GABBR2: variants seen among roughly 807,000 people sequenced by gnomAD.
GABBR2 encodes the protein G-protein coupled receptor 51.
A neutral mutation model predicts 105.6 loss-of-function variants in GABBR2; 23 were observed. The ratio of observed to expected loss-of-function variants is 0.22; its 90% CI spans 0.16 to 0.31. GABBR2 has a LOEUF of 0.31. Ranked by LOEUF, GABBR2 falls within the 10% of genes least tolerant of loss-of-function variation. The probability of loss-of-function intolerance (pLI) is 1.00; values close to 1 mark genes in which losing one functional copy is unlikely to be tolerated. For synonymous variants in GABBR2, 478 were observed against 499.7 expected (o/e 0.96, Z 0.58); for missense variants, 734 against 1,245.5 (o/e 0.59, Z 6.18).
rs560815498 is a variant in GABBR2 at position 98,361,542 on chromosome 9, G to A, written c.1893+1173C>T. Among the ~76,000 whole-genome samples the A allele has an allele frequency of 4.6e-5, 7 of 152,334 alleles. No homozygotes were observed. The South Asian group carries it at 1.2e-3, about 27-fold the overall frequency. Reference sequence around the variant, plus strand: ...GATGAAGGGGGCATTCCCTTGGGATGAATTGGGACCCACCCAGCTGTTCTG... The same window carrying A: ...GATGAAGGGGGCATTCCCTTGGGATAAATTGGGACCCACCCAGCTGTTCTG... On this transcript the variant is annotated intron_variant, in intron 13 of 18. Transcript: ENST00000259455.
intron 11 of GABBR2, among the ~76,000 whole-genome samples, chr9:98,377,316 G>C (rs1029315108): frequency 3.9e-5 from 6 of 152,204 alleles, no homozygotes; most frequent in Non-Finnish European, 8.8e-5. Context: ...GTCAGGGCCA[G>C]AGAGGAAGGA....
chr9:98,392,663 A>G (rs1191629197), intron 9 of GABBR2, among the ~76,000 whole-genome samples: 2 of 152,190 alleles, frequency 1.3e-5, no homozygotes, highest in African/African-American at 4.8e-5. Flanking sequence ...CTTGCTTTAA[A>G]GAAGGAACTT....
chr9:98,668,333 C>A (rs1264721531), intron 1 of GABBR2, among the ~76,000 whole-genome samples: 1 of 152,194 alleles, frequency 6.6e-6, no homozygotes, highest in Non-Finnish European at 1.5e-5. Context: ...CCCTTGGTAT[C>A]ATGCTTAGGC....
intron 2 of GABBR2, among the ~76,000 whole-genome samples, chr9:98,553,848 A>G (rs1021237080): frequency 2.0e-5 from 3 of 152,238 alleles, no homozygotes; most frequent in African/African-American, 7.2e-5. Context: ...CAGAGCAGGG[A>G]GACTAATGTC....
chr9:98,532,471 T>C (rs1209460468), intron 3 of GABBR2, among the ~76,000 whole-genome samples: 1 of 152,204 alleles, frequency 6.6e-6, no homozygotes, highest in Non-Finnish European at 1.5e-5. Flanking sequence ...TGTCTCCTAA[T>C]GATAAAAGAT....
chr9:98,529,786 T>G (rs1417180116), intron 3 of GABBR2, among the ~76,000 whole-genome samples: 1 of 152,212 alleles, frequency 6.6e-6, no homozygotes, highest in Non-Finnish European at 1.5e-5. Context: ...CCCTCAGGAC[T>G]GCTACTATCT....
At chr9:98,622,628 C>A (rs1362554945) in intron 1 of GABBR2, among the ~76,000 whole-genome samples, 1 of 152,240 alleles carries the variant, frequency 6.6e-6, no homozygotes, top group Non-Finnish European at 1.5e-5. Flanking sequence ...CACTCCTCAG[C>A]TCAAAACCTT....
chr9:98,683,340 T>A (rs1830574443), intron 1 of GABBR2, among the ~76,000 whole-genome samples: 1 of 152,166 alleles, frequency 6.6e-6, no homozygotes. Flanking sequence ...TGACCTCAAA[T>A]GATCTGCCCA....
intron 13 of GABBR2, among the ~76,000 whole-genome samples, chr9:98,352,691 T>C (rs1831420803): frequency 6.6e-6 from 1 of 152,004 alleles, no homozygotes; most frequent in Non-Finnish European, 1.5e-5. Flanking sequence ...GTTATCGGCA[T>C]CCCCAGGCAG....
chr9:98,333,501 T>C (rs1479039185), intron 13 of GABBR2, among the ~76,000 whole-genome samples: 1 of 152,144 alleles, frequency 6.6e-6, no homozygotes. Flanking sequence ...AGGCATTCCA[T>C]GCTGTGGCTG....
intron 1 of GABBR2, among the ~76,000 whole-genome samples, chr9:98,604,268 C>T (rs1829381078): frequency 6.6e-6 from 1 of 152,208 alleles, no homozygotes; most frequent in South Asian, 2.1e-4. Context: ...CTTATTCCCC[C>T]ACCCAACCTC....
intron 1 of GABBR2, among the ~76,000 whole-genome samples, chr9:98,658,568 G>A (rs982199615): frequency 6.6e-6 from 1 of 152,090 alleles, no homozygotes; most frequent in African/African-American, 2.4e-5. Context: ...CTCCAGAGGC[G>A]GAACCAGCAC....
intron 7 of GABBR2, among the ~76,000 whole-genome samples, chr9:98,408,147 G>C (rs1347725856): frequency 1.3e-5 from 2 of 152,124 alleles, no homozygotes; most frequent in East Asian, 1.9e-4. Context: ...AAGCACCAGA[G>C]AGCTTTCCAG....
At chr9:98,626,431 A>T (rs1002909331) in intron 1 of GABBR2, among the ~76,000 whole-genome samples, 1 of 152,192 alleles carries the variant, frequency 6.6e-6, no homozygotes, top group African/African-American at 2.4e-5. Context: ...AAAAGCTGTT[A>T]TTTTTTTAAA....
intron 1 of GABBR2, among the ~76,000 whole-genome samples, chr9:98,686,397 T>C (rs1280987778): frequency 1.3e-5 from 2 of 151,886 alleles, no homozygotes; most frequent in Admixed American, 6.6e-5. Context: ...TCTGTTTTTT[T>C]TGTTTTGTTT....
At chr9:98,525,667 G>A (rs1030243682) in intron 3 of GABBR2, among the ~76,000 whole-genome samples, 1 of 152,166 alleles carries the variant, frequency 6.6e-6, no homozygotes, top group African/African-American at 2.4e-5. Context: ...ACTTCTAGGT[G>A]TAAATCCAAG....
intron 1 of GABBR2, among the ~76,000 whole-genome samples, chr9:98,624,025 A>G (rs555734404): frequency 6.6e-5 from 10 of 152,230 alleles, no homozygotes; most frequent in African/African-American, 9.7e-5. Flanking sequence ...GTCAAACTGC[A>G]GAGCCCAAGC....
At chr9:98,354,864 A>G (rs1831458828) in intron 13 of GABBR2, among the ~76,000 whole-genome samples, 1 of 152,176 alleles carries the variant, frequency 6.6e-6, no homozygotes, top group Non-Finnish European at 1.5e-5. Flanking sequence ...TTTCCTTTGC[A>G]TTCAAAACCT....
rs1187053725 is a variant in GABBR2 at position 98,636,096 on chromosome 9, T to C, written c.322-58024A>G. On this transcript the variant is annotated intron_variant, in intron 1 of 18. Coordinates refer to ENST00000259455, the MANE Select transcript of GABBR2 (RefSeq NM_005458.8). ...CCTGGGCTTCTTACCTTCTCCATTA[T>C]GAAAAATGATGTGGGTGGCATAACA... is the stretch of plus-strand genomic sequence containing the variant. Among the ~76,000 whole-genome samples the C allele has an allele frequency of 2.0e-5, 3 of 152,088 alleles. No homozygotes were observed. The South Asian group carries it at 6.2e-4, about 32-fold the overall frequency.
Sources: gnomAD v4.1 joint callset for allele counts (sites outside exome capture counted in the v4.1 genomes callset) on GRCh38, gnomAD v4.1.1 for gene constraint, MANE v1.5 for transcripts, NCBI Gene and HGNC (gene_info 2026-07-23, HGNC 2026-07-21) for gene names.